Variants in ATP2B1 observed in about 807,000 individuals in gnomAD.
The protein encoded by ATP2B1 is ATPase plasma membrane Ca2+ transporting 1, also known as plasma membrane calcium-transporting ATPase 1.
Under a neutral mutation model 124.2 loss-of-function variants are expected in ATP2B1, and 14 were observed. The ratio of observed to expected loss-of-function variants is 0.11; its 90% CI spans 0.07 to 0.18. The LOEUF (loss-of-function observed/expected upper bound fraction) is 0.18. Among genes scored for constraint, ATP2B1 ranks in the 10% least tolerant of loss-of-function variants. ATP2B1 has a pLI of 1.00. For missense variants in ATP2B1, 763 were observed against 1,466.1 expected, an observed-to-expected ratio of 0.52 and a Z score of 7.83; for synonymous variants, 449 against 492.4, an observed-to-expected ratio of 0.91 and a Z score of 1.17.
chr12:89,662,528 A>G (rs1199723264), intron 1 of ATP2B1, among the ~76,000 whole-genome samples: 1 of 152,204 alleles, frequency 6.6e-6, no homozygotes, highest in Non-Finnish European at 1.5e-5. Context: ...TCACTTCTTA[A>G]GGGGCTTAAA....
At chr12:89,664,221 G>C (rs1887032698) in intron 1 of ATP2B1, among the ~76,000 whole-genome samples, 1 of 152,112 alleles carries the variant, frequency 6.6e-6, no homozygotes, top group African/African-American at 2.4e-5. Flanking sequence ...AAATATGCCA[G>C]CCCAAAGCAG....
At chr12:89,682,405 A>G (rs1273859982) in intron 1 of ATP2B1, among the ~76,000 whole-genome samples, 1 of 152,174 alleles carries the variant, frequency 6.6e-6, no homozygotes, top group Non-Finnish European at 1.5e-5. Context: ...TAGCCAAGAA[A>G]CCACAGCGAA....
At chr12:89,674,360 CAAAAA>C (rs1215129032) in intron 1 of ATP2B1, among the ~76,000 whole-genome samples, 1 of 71,020 alleles carries the variant, frequency 1.4e-5, no homozygotes. Flanking sequence ...TTAGAATTGG[CAAAAA>C]AAAAAAAAAA....
At chr12:89,609,889 A>G (rs1322307416) in intron 15 of ATP2B1, 48 bp downstream of exon 15, 2 of 1,543,910 alleles carry the variant, frequency 1.3e-6, no homozygotes, top group Non-Finnish European at 1.8e-6. Flanking sequence ...CAAACAAACA[A>G]ACCAGTCAGT....
chr12:89,651,309 T>C (rs946394361), intron 2 of ATP2B1, among the ~76,000 whole-genome samples: 2 of 152,168 alleles, frequency 1.3e-5, no homozygotes, highest in Admixed American at 6.5e-5. Flanking sequence ...TCTCACTCTT[T>C]TGTGGGATCA....
At chr12:89,648,145 C>T (rs911818012) in intron 2 of ATP2B1, among the ~76,000 whole-genome samples, 4 of 152,150 alleles carry the variant, frequency 2.6e-5, no homozygotes, top group Non-Finnish European at 5.9e-5. Flanking sequence ...ATAAAGATAC[C>T]TTAAAAAGTG....
At chr12:89,610,563 A>G in intron 13 of ATP2B1, 55 bp from the exon 14 acceptor site, 1 of 1,394,562 alleles carries the variant, frequency 7.2e-7, no homozygotes, top group Non-Finnish European at 1.0e-6. Flanking sequence ...TTAAATCCTA[A>G]TGAGCTATCT....
intron 1 of ATP2B1, among the ~76,000 whole-genome samples, chr12:89,693,692 T>G (rs1358949318): frequency 2.0e-5 from 3 of 152,362 alleles, no homozygotes; most frequent in African/African-American, 7.2e-5. Context: ...CTTTCTAGTT[T>G]CTGAAATTTG....
chr12:89,692,012 G>A (rs1024305765), intron 1 of ATP2B1, among the ~76,000 whole-genome samples: 1 of 151,958 alleles, frequency 6.6e-6, no homozygotes, highest in Non-Finnish European at 1.5e-5. Flanking sequence ...TTAGTACTCA[G>A]GGTCACTATT....
intron 1 of ATP2B1, among the ~76,000 whole-genome samples, chr12:89,667,443 A>C (rs1310103046): frequency 6.6e-6 from 1 of 152,162 alleles, no homozygotes; most frequent in Non-Finnish European, 1.5e-5. Context: ...GGCAACTCAT[A>C]CCATATTATG....
intron 1 of ATP2B1, among the ~76,000 whole-genome samples, chr12:89,660,473 A>C (rs1886571511): frequency 6.6e-6 from 1 of 152,226 alleles, no homozygotes; most frequent in South Asian, 2.1e-4. Context: ...TAAAAAATGC[A>C]TTAATTTGGT....
chr12:89,616,365 A>G (rs1878965112), intron 12 of ATP2B1, among the ~76,000 whole-genome samples: 1 of 152,202 alleles, frequency 6.6e-6, no homozygotes, highest in South Asian at 2.1e-4. Context: ...CCTGTCTTTT[A>G]GTTGCACTAG....
chr12:89,663,868 T>C (rs1189255466), intron 1 of ATP2B1, among the ~76,000 whole-genome samples: 1 of 79,154 alleles, frequency 1.3e-5, no homozygotes, highest in Non-Finnish European at 2.5e-5. Context: ...CTCTAGCTGC[T>C]TGTTTTCACT....
chr12:89,679,306 C>T (rs886979096), intron 1 of ATP2B1, among the ~76,000 whole-genome samples: 1 of 152,126 alleles, frequency 6.6e-6, no homozygotes, highest in African/African-American at 2.4e-5. Context: ...TAATATCTGA[C>T]CCTTTACAAA....
At chr12:89,708,023 C>A (rs775354581) in intron 1 of ATP2B1, among the ~76,000 whole-genome samples, 2 of 152,174 alleles carry the variant, frequency 1.3e-5, no homozygotes, top group Non-Finnish European at 2.9e-5. Context: ...GGAGAAAGAC[C>A]AGGCGGCTCT....
intron 1 of ATP2B1, among the ~76,000 whole-genome samples, chr12:89,659,819 A>G (rs1450783431): frequency 6.6e-6 from 1 of 150,650 alleles, no homozygotes; most frequent in Middle Eastern, 3.2e-3. Context: ...GCTACTCGGG[A>G]GGCTGAGGCA....
chr12:89,676,903 G>C (rs1265099077), intron 1 of ATP2B1, among the ~76,000 whole-genome samples: 1 of 152,026 alleles, frequency 6.6e-6, no homozygotes, highest in African/African-American at 2.4e-5. Context: ...AAAAAAGTGA[G>C]CCTTTTCTAC....
intron 1 of ATP2B1, among the ~76,000 whole-genome samples, chr12:89,686,335 T>C (rs1889966843): frequency 6.6e-6 from 1 of 152,126 alleles, no homozygotes; most frequent in Non-Finnish European, 1.5e-5. Context: ...CATTGTAATT[T>C]GATTTACTCT....
chr12:89,680,282 AT>A (rs1432244052), intron 1 of ATP2B1, among the ~76,000 whole-genome samples: 2 of 152,194 alleles, frequency 1.3e-5, no homozygotes, highest in South Asian at 2.1e-4. Flanking sequence ...TTCAAATTAA[AT>A]TAAATACTCA....
Sources: allele counts gnomAD v4.1 joint callset (sites outside exome capture counted in the v4.1 genomes callset), GRCh38; gene constraint gnomAD v4.1.1; transcripts MANE v1.5; gene names NCBI Gene and HGNC (gene_info 2026-07-23, HGNC 2026-07-21).